The following CPM variants were observed in gnomAD, a reference collection of about 807,000 sequenced individuals.
CPM encodes renal carboxypeptidase.
Under a neutral mutation model 46.4 loss-of-function variants are expected in CPM, and 35 were observed. The observed-to-expected ratio is 0.75, with a 90% CI of 0.58 to 1.00. The LOEUF (loss-of-function observed/expected upper bound fraction) is 1.00. Ranked by LOEUF, CPM falls within the 50% of genes least tolerant of loss-of-function variation. The pLI, the probability that CPM is intolerant of heterozygous loss-of-function variation, is 0.00. For synonymous variants in CPM, 195 were observed against 195.3 expected, an observed-to-expected ratio of 1.00 and a Z score of 0.01; for missense variants, 422 against 530.4, an observed-to-expected ratio of 0.80 and a Z score of 2.01.
chr12:68,920,632 A>C (rs1251368968), intron 2 of CPM, among the ~76,000 whole-genome samples: 4 of 152,024 alleles, frequency 2.6e-5, no homozygotes, highest in Admixed American at 1.3e-4. Context: ...AGGGGGGAAA[A>C]GACACTTAAA....
intron 2 of CPM, among the ~76,000 whole-genome samples, chr12:68,900,602 T>A (rs538421586): frequency 6.6e-6 from 1 of 152,192 alleles, no homozygotes; most frequent in African/African-American, 2.4e-5. Flanking sequence ...TTATTTATCA[T>A]TGCCAAAACT....
intron 5 of CPM, chr12:68,845,454 CTT>C (rs1433840420): frequency 9.6e-6 from 2 of 207,722 alleles, no homozygotes; most frequent in Admixed American, 1.2e-4. Context: ...TGTTCAGTAA[CTT>C]ATTCATAATG....
chr12:68,875,790 C>G (rs1423699182), intron 3 of CPM, among the ~76,000 whole-genome samples: 1 of 139,162 alleles, frequency 7.2e-6, no homozygotes, highest in East Asian at 2.0e-4. Flanking sequence ...TGGGCAACAG[C>G]GAGACTCTGT....
intron 3 of CPM, among the ~76,000 whole-genome samples, chr12:68,885,332 A>G (rs1040302266): frequency 6.6e-6 from 1 of 152,208 alleles, no homozygotes; most frequent in African/African-American, 2.4e-5. Flanking sequence ...TAGATTTAAG[A>G]GAGAGTAACA....
chr12:68,853,652 T>G lies in CPM; in HGVS notation c.*2785A>C, dbSNP rs1226085582. 1 of 152,044 alleles carries G rather than the reference T, an allele frequency of 6.6e-6. No homozygotes were observed. The highest frequency in any genetic ancestry group is 1.9e-4 in the East Asian group (1 of 5,190). The allele number at this position is 152,044 out of a possible 1,614,324, so 9.4% of individuals were successfully genotyped here. A position where few individuals can be genotyped will look rare whatever the true frequency, so the allele number is the denominator to read the frequency against. On this transcript the variant is annotated 3_prime_UTR_variant, in exon 9 of 9. Coordinates refer to ENST00000551568, the MANE Select transcript of CPM (RefSeq NM_198320.5). ...AAGTAATAACCAAGGCAACTCACTTTCCATGAGTAATACACCACACTTCTA... is the reference window on the plus strand; with the variant it reads ...AAGTAATAACCAAGGCAACTCACTTGCCATGAGTAATACACCACACTTCTA...
At chr12:68,871,445 T>A (rs1885690628) in intron 4 of CPM, among the ~76,000 whole-genome samples, 1 of 152,094 alleles carries the variant, frequency 6.6e-6, no homozygotes, top group East Asian at 1.9e-4. Flanking sequence ...GGAAATGCTA[T>A]TTAGGCAGGG....
chr12:68,889,737 C>G (rs1886576827), intron 2 of CPM, among the ~76,000 whole-genome samples: 1 of 152,218 alleles, frequency 6.6e-6, no homozygotes, highest in Non-Finnish European at 1.5e-5. Context: ...AAGATTCTCC[C>G]CGGGGCCTGA....
intron 1 of CPM, among the ~76,000 whole-genome samples, chr12:68,947,416 G>A (rs1888865308): frequency 6.6e-6 from 1 of 151,886 alleles, no homozygotes; most frequent in Admixed American, 6.6e-5. Flanking sequence ...GGCCAACATG[G>A]CAAAACCATA....
intron 2 of CPM, among the ~76,000 whole-genome samples, chr12:68,904,021 G>A (rs1033437689): frequency 2.6e-5 from 4 of 152,062 alleles, no homozygotes; most frequent in Non-Finnish European, 5.9e-5. Context: ...CATGTAGCTG[G>A]GACCACAGGC....
intron 8 of CPM, 59 bp downstream of exon 8, chr12:68,858,864 G>A: frequency 9.0e-7 from 1 of 1,107,348 alleles, no homozygotes; most frequent in Non-Finnish European, 1.2e-6. Flanking sequence ...CCTTCTGGGT[G>A]AATAAGTATT....
chr12:68,932,901 CA>C (rs1180156161), intron 1 of CPM, 61 bp from the exon 2 acceptor site: 13 of 1,502,752 alleles, frequency 8.7e-6, no homozygotes, highest in Non-Finnish European at 1.2e-5. Context: ...GGGGCATCAC[CA>C]GCTACGTCTC....
intron 8 of CPM, among the ~76,000 whole-genome samples, chr12:68,857,617 T>C (rs1885034694): frequency 6.6e-6 from 1 of 152,070 alleles, no homozygotes; most frequent in Admixed American, 6.6e-5. Context: ...TTTTATTATA[T>C]ATGGTGGAGA....
At chr12:68,960,683 T>C (rs907245525) in intron 1 of CPM, among the ~76,000 whole-genome samples, 1 of 152,108 alleles carries the variant, frequency 6.6e-6, no homozygotes, top group Non-Finnish European at 1.5e-5. Flanking sequence ...TTAAAATATA[T>C]ATATATTAAA....
chr12:68,902,202 T>C (rs896229628), intron 2 of CPM, among the ~76,000 whole-genome samples: 2 of 152,172 alleles, frequency 1.3e-5, no homozygotes, highest in African/African-American at 4.8e-5. Context: ...CATACTATCA[T>C]TCTACATAAT....
At chr12:68,950,559 T>C (rs1427028432) in intron 1 of CPM, among the ~76,000 whole-genome samples, 3 of 152,210 alleles carry the variant, frequency 2.0e-5, no homozygotes, top group Non-Finnish European at 4.4e-5. Flanking sequence ...GTTAAGTGCC[T>C]ATTCTTTTTA....
intron 1 of CPM, among the ~76,000 whole-genome samples, chr12:68,938,447 C>T (rs1317052773): frequency 6.6e-6 from 1 of 151,894 alleles, no homozygotes; most frequent in Non-Finnish European, 1.5e-5. Context: ...AACACACACA[C>T]ATTTAGGTAT....
intron 2 of CPM, among the ~76,000 whole-genome samples, chr12:68,908,747 A>G (rs1887456696): frequency 6.6e-6 from 1 of 152,198 alleles, no homozygotes; most frequent in African/African-American, 2.4e-5. Flanking sequence ...CATGGAACAT[A>G]AAAGCATAAA....
intron 1 of CPM, among the ~76,000 whole-genome samples, chr12:68,939,721 C>T (rs1207137238): frequency 6.6e-6 from 1 of 151,926 alleles, no homozygotes; most frequent in Non-Finnish European, 1.5e-5. Flanking sequence ...TTTTGCTTTC[C>T]AAGTTTTGAA....
chr12:68,910,962 T>C (rs1366525891), intron 2 of CPM, among the ~76,000 whole-genome samples: 6 of 152,158 alleles, frequency 3.9e-5, no homozygotes, highest in African/African-American at 7.2e-5. Context: ...CAAGCAAATT[T>C]AGAAGATGAA....
Sources: allele counts gnomAD v4.1 joint callset (sites outside exome capture counted in the v4.1 genomes callset), GRCh38; gene constraint gnomAD v4.1.1; transcripts MANE v1.5; gene names NCBI Gene and HGNC (gene_info 2026-07-23, HGNC 2026-07-21).